The following ITGBL1 variants were observed in gnomAD, a reference collection of about 807,000 sequenced individuals.
ITGBL1 encodes integrin beta-like protein 1.
Under a neutral mutation model 68.5 loss-of-function variants are expected in ITGBL1, and 51 were observed. That is an observed-to-expected ratio of 0.74 (90% confidence interval 0.59 to 0.94). The LOEUF is 0.94. Among genes scored for constraint, ITGBL1 ranks in the 40% least tolerant of loss-of-function variants. The pLI is 0.00. For synonymous variants in ITGBL1, 209 were observed against 227.3 expected, an observed-to-expected ratio of 0.92 and a Z score of 0.72; for missense variants, 649 against 647.4, an observed-to-expected ratio of 1.00 and a Z score of -0.03.
At chr13:101,558,600 G>A (rs1016711311) in intron 2 of ITGBL1, among the ~76,000 whole-genome samples, 45 of 152,128 alleles carry the variant, frequency 3.0e-4, no homozygotes, top group African/African-American at 1.1e-3. Flanking sequence ...CCTGAGATAT[G>A]CCATACTCTC....
intron 2 of ITGBL1, among the ~76,000 whole-genome samples, chr13:101,506,875 A>G (rs537830578): frequency 6.6e-4 from 100 of 152,320 alleles, no homozygotes; most frequent in Middle Eastern, 3.4e-3. Flanking sequence ...GTGGATCTTA[A>G]AGAGAGTCAT....
rs368169184 is a variant in ITGBL1, at chr13:101,604,771, C to T, written c.1015+6472C>T. Reference sequence around the variant, plus strand: ...CCATCAGTTTCTCAATCCTGACAGCCGCCATCACCTCACCAGCTGGAAAAA... The same window carrying T: ...CCATCAGTTTCTCAATCCTGACAGCTGCCATCACCTCACCAGCTGGAAAAA... On this transcript the variant is annotated intron_variant, in intron 7 of 10. Transcript: ENST00000376180. Among the ~76,000 whole-genome samples the T allele has an allele frequency of 9.1e-5, 13 of 143,528 alleles. 1 individual carries two copies. Among genetic ancestry groups the T allele is most frequent in the Admixed American group, 2.9e-4 (4 of 14,004 alleles). The allele number at this position is 143,528 out of a possible 152,430, so 94.2% of individuals were successfully genotyped here. A position where few individuals can be genotyped will look rare whatever the true frequency, so the allele number is the denominator to read the frequency against.
chr13:101,599,173 T>C (rs906243574), intron 7 of ITGBL1, among the ~76,000 whole-genome samples: 4 of 151,452 alleles, frequency 2.6e-5, no homozygotes, highest in Non-Finnish European at 4.4e-5. Context: ...GATTTGCATT[T>C]CTCTGATGGC....
At chr13:101,604,887 T>TATATATATATACAC in intron 7 of ITGBL1, among the ~76,000 whole-genome samples, 314 of 22,172 alleles carry the variant, frequency 0.014, 34 homozygotes, top group Non-Finnish European at 0.021. Flanking sequence ...TATATATATA[T>TATATATATATACAC]ACACACACAC....
chr13:101,604,900 A>ACACC (rs2030633543), intron 7 of ITGBL1, among the ~76,000 whole-genome samples: 1 of 121,040 alleles, frequency 8.3e-6, no homozygotes. Flanking sequence ...ACACACACAC[A>ACACC]CATATATATG....
At chr13:101,583,456 A>G (rs1047825932) in intron 6 of ITGBL1, 100 bp downstream of exon 6, 3 of 950,574 alleles carry the variant, frequency 3.2e-6, no homozygotes, top group Admixed American at 2.7e-5. Context: ...AATAAGACAT[A>G]CTGTTGGATA....
intron 2 of ITGBL1, among the ~76,000 whole-genome samples, chr13:101,506,109 C>A (rs140307385): frequency 6.6e-6 from 1 of 152,208 alleles, no homozygotes; most frequent in East Asian, 1.9e-4. Context: ...TACTACAATG[C>A]GCTCACTGTG....
At chr13:101,550,376 G>C (rs7317289) in intron 2 of ITGBL1, among the ~76,000 whole-genome samples, 121,368 of 152,114 alleles carry the variant, frequency 0.8, 48,463 homozygotes, top group African/African-American at 0.84. Flanking sequence ...CAGGGACCCC[G>C]TATCCTGAGG....
At chr13:101,478,122 A>C (rs139654403) in intron 2 of ITGBL1, among the ~76,000 whole-genome samples, 3 of 152,260 alleles carry the variant, frequency 2.0e-5, no homozygotes, top group Admixed American at 2.0e-4. Context: ...CAACACATTA[A>C]AAAGATCATT....
In ITGBL1 at chr13:101,542,514, G is replaced by A. The variant is rs573961919; in HGVS notation, c.317-25185G>A. Among the ~76,000 whole-genome samples, 16 of 152,274 alleles carry A rather than the reference G, an allele frequency of 1.1e-4. No homozygotes were observed. The South Asian group carries it at 2.5e-3, about 24-fold the overall frequency. On this transcript the variant is annotated intron_variant, in intron 2 of 10. Coordinates refer to ENST00000376180, the MANE Select transcript of ITGBL1 (RefSeq NM_004791.3). The stretch of plus-strand genomic sequence containing the variant: ...TTTGGAATAAGTGTGGTGTGGTGCT[G>A]AGAATAATGTATATTCTGTTGATTT...
Position 101,489,805 on chromosome 13 carries a change from A to G in ITGBL1, c.316+35705A>G, listed in dbSNP as rs1027841155. 4.9e-5 allele frequency: 25 copies of G among 508,374 alleles called. No homozygotes were observed. The Admixed American group carries it at 8.1e-4, about 16-fold the overall frequency. The allele number at this position is 508,374 out of a possible 1,614,324, so 31.5% of individuals were successfully genotyped here. ...GGGATGAGGTCATTGATATCAGAGG[A>G]TGCTGCGATACTGATCAAACTGATA... On this transcript the variant is annotated intron_variant, in intron 2 of 10. Coordinates refer to ENST00000376180, the MANE Select transcript of ITGBL1 (RefSeq NM_004791.3).
chr13:101,625,424 A>T (rs1348013812), intron 7 of ITGBL1, among the ~76,000 whole-genome samples: 1 of 152,168 alleles, frequency 6.6e-6, no homozygotes, highest in Non-Finnish European at 1.5e-5. Flanking sequence ...ACTTAATTTG[A>T]ATTCAAGGGA....
chr13:101,552,603 T>A (rs149743776), intron 2 of ITGBL1, among the ~76,000 whole-genome samples: 1 of 152,322 alleles, frequency 6.6e-6, no homozygotes, highest in African/African-American at 2.4e-5. Flanking sequence ...CTGTCAATAA[T>A]GTTTATTAAC....
chr13:101,678,609 C>T (rs1267736452), intron 7 of ITGBL1, among the ~76,000 whole-genome samples: 1 of 151,456 alleles, frequency 6.6e-6, no homozygotes, highest in African/African-American at 2.4e-5. Flanking sequence ...ATGCAGTTCT[C>T]CTGCCTCAGC....
intron 6 of ITGBL1, among the ~76,000 whole-genome samples, chr13:101,595,594 T>C (rs564035164): frequency 4.1e-4 from 63 of 152,140 alleles, no homozygotes; most frequent in African/African-American, 1.3e-3. Context: ...AGTGGGTATA[T>C]GAAAAAAGTG....
intron 2 of ITGBL1, among the ~76,000 whole-genome samples, chr13:101,504,704 C>T (rs2048999752): frequency 1.3e-5 from 2 of 152,082 alleles, no homozygotes; most frequent in Non-Finnish European, 2.9e-5. Context: ...TATACCTATT[C>T]TGTGGAAAGA....
chr13:101,570,733 C>G (rs1299339333), intron 3 of ITGBL1, among the ~76,000 whole-genome samples: 1 of 152,136 alleles, frequency 6.6e-6, no homozygotes, highest in African/African-American at 2.4e-5. Context: ...CTTATTTAGT[C>G]TATCCTGTTG....
chr13:101,644,359 T>A (rs2139437320), intron 7 of ITGBL1, among the ~76,000 whole-genome samples: 1 of 152,342 alleles, frequency 6.6e-6, no homozygotes, highest in South Asian at 2.1e-4. Flanking sequence ...TGAGTGATAT[T>A]CATGGAAAGG....
intron 2 of ITGBL1, among the ~76,000 whole-genome samples, chr13:101,495,244 C>G (rs1168842174): frequency 6.6e-6 from 1 of 152,148 alleles, no homozygotes. Flanking sequence ...GACAAAACTC[C>G]TGGTGTTCAT....
Sources: gnomAD v4.1 joint callset for allele counts (sites outside exome capture counted in the v4.1 genomes callset) on GRCh38, gnomAD v4.1.1 for gene constraint, MANE v1.5 for transcripts, NCBI Gene and HGNC (gene_info 2026-07-23, HGNC 2026-07-21) for gene names.